GALNT13: variants seen among roughly 807,000 people sequenced by gnomAD.
The protein encoded by GALNT13 is polypeptide N-acetylgalactosaminyltransferase 13.
A neutral mutation model predicts 64.2 loss-of-function variants in GALNT13; 28 were observed. The ratio of observed to expected loss-of-function variants is 0.44; its 90% CI spans 0.32 to 0.60. GALNT13 has a LOEUF of 0.60. GALNT13 is among the 20% of genes least tolerant of loss of function. The probability of loss-of-function intolerance (pLI) is 0.05; values close to 1 mark genes in which losing one functional copy is unlikely to be tolerated. For missense variants in GALNT13, 577 were observed against 669.8 expected, an observed-to-expected ratio of 0.86 and a Z score of 1.53; for synonymous variants, 214 against 224.6, an observed-to-expected ratio of 0.95 and a Z score of 0.42.
the GALNT13 span, among the ~76,000 whole-genome samples, chr2:153,084,082 T>A: frequency 2.0e-5 from 3 of 152,334 alleles, no homozygotes; most frequent in East Asian, 5.8e-4. Context: ...CTCTATTCTG[T>A]TCCATTGGTC....
At chr2:153,532,896 TA>T in the GALNT13 span, among the ~76,000 whole-genome samples, 1 of 152,150 alleles carries the variant, frequency 6.6e-6, no homozygotes, top group Non-Finnish European at 1.5e-5. Flanking sequence ...TTGAAACAAC[TA>T]AAAGAATAAA....
chr2:153,153,663 C>CTTTTTT, the GALNT13 span, among the ~76,000 whole-genome samples: 1 of 129,784 alleles, frequency 7.7e-6, no homozygotes, highest in African/African-American at 2.9e-5. Flanking sequence ...TTCCCCATTG[C>CTTTTTT]TTTTTTTTTT....
At chr2:153,959,114 TA>T (rs1335819639) in intron 3 of GALNT13, among the ~76,000 whole-genome samples, 7 of 152,160 alleles carry the variant, frequency 4.6e-5, no homozygotes, top group Non-Finnish European at 2.9e-5. Flanking sequence ...AATATTCCCC[TA>T]GGGGGAGGGG....
At chr2:154,148,495 C>T (rs1377258319) in intron 4 of GALNT13, among the ~76,000 whole-genome samples, 1 of 152,070 alleles carries the variant, frequency 6.6e-6, no homozygotes, top group Non-Finnish European at 1.5e-5. Flanking sequence ...CCTGAGGAAT[C>T]ACCACACTGA....
chr2:154,083,694 C>A (rs1053403431), intron 3 of GALNT13, among the ~76,000 whole-genome samples: 6 of 151,766 alleles, frequency 4.0e-5, no homozygotes, highest in African/African-American at 9.7e-5. Context: ...TTATGACTTG[C>A]ACCACGGATA....
intron 3 of GALNT13, among the ~76,000 whole-genome samples, chr2:153,962,972 T>C (rs2105098906): frequency 6.6e-6 from 1 of 152,316 alleles, no homozygotes; most frequent in South Asian, 2.1e-4. Flanking sequence ...TTCTGTGGTA[T>C]GGTTTCTTTG....
At chr2:154,415,347 C>A (rs1699965563) in intron 11 of GALNT13, among the ~76,000 whole-genome samples, 3 of 151,704 alleles carry the variant, frequency 2.0e-5, no homozygotes, top group Admixed American at 6.6e-5. Flanking sequence ...CTTTTAAAGG[C>A]AAAAAAATGT....
the GALNT13 span, among the ~76,000 whole-genome samples, chr2:153,549,360 G>A: frequency 6.6e-6 from 1 of 152,148 alleles, no homozygotes; most frequent in Non-Finnish European, 1.5e-5. Flanking sequence ...TTTAAGGAAT[G>A]CAGTTTTAAA....
intron 9 of GALNT13, among the ~76,000 whole-genome samples, chr2:154,357,123 T>C (rs1559110520): frequency 6.6e-6 from 1 of 151,966 alleles, no homozygotes; most frequent in Non-Finnish European, 1.5e-5. Flanking sequence ...CAATATAGTT[T>C]TGGGGACGTA....
At chr2:153,825,777 T>A in the GALNT13 span, among the ~76,000 whole-genome samples, 4 of 152,120 alleles carry the variant, frequency 2.6e-5, no homozygotes, top group East Asian at 7.7e-4. Context: ...AAGAGCTGGC[T>A]TCTTTGCTCC....
chr2:153,467,010 CAA>C, the GALNT13 span, among the ~76,000 whole-genome samples: 1 of 151,846 alleles, frequency 6.6e-6, no homozygotes, highest in Non-Finnish European at 1.5e-5. Flanking sequence ...AGGTAGTCCA[CAA>C]AAAAGTCTTT....
chr2:154,201,857 C>T (rs1281625942), intron 4 of GALNT13, among the ~76,000 whole-genome samples: 1 of 152,060 alleles, frequency 6.6e-6, no homozygotes, highest in Non-Finnish European at 1.5e-5. Flanking sequence ...CACCTAAGTC[C>T]TTGTTCCATT....
At chr2:154,102,687 ACT>A (rs1219331134) in intron 3 of GALNT13, among the ~76,000 whole-genome samples, 46 of 152,266 alleles carry the variant, frequency 3.0e-4, no homozygotes, top group Non-Finnish European at 5.4e-4. Flanking sequence ...ATTAAAAAAG[ACT>A]AAATATTGAT....
chr2:153,088,807 T>A, the GALNT13 span, among the ~76,000 whole-genome samples: 1 of 152,150 alleles, frequency 6.6e-6, no homozygotes, highest in Non-Finnish European at 1.5e-5. Context: ...GCATTTGGTT[T>A]CCATTTGTGT....
chr2:153,932,306 G>A (rs1421116145), intron 2 of GALNT13, among the ~76,000 whole-genome samples: 1 of 151,298 alleles, frequency 6.6e-6, no homozygotes, highest in East Asian at 2.0e-4. Context: ...TCTGTTTCTG[G>A]TTATTTCTTT....
the GALNT13 span, among the ~76,000 whole-genome samples, chr2:153,665,232 G>T: frequency 6.6e-6 from 1 of 152,126 alleles, no homozygotes; most frequent in Admixed American, 6.6e-5. Context: ...TGTGGTAAAA[G>T]TCAAGAAACA....
intron 11 of GALNT13, chr2:154,437,580 G>A: frequency 1.6e-6 from 2 of 1,279,518 alleles, no homozygotes; most frequent in Non-Finnish European, 2.0e-6. Context: ...CATGAGGCTG[G>A]GCATGGCGGC....
rs1374198727 is a variant in GALNT13 at position 154,149,083 on chromosome 2, C to A, written c.311+8578C>A. 3.3e-5 allele frequency among the ~76,000 whole-genome samples: 5 copies of A among 152,118 alleles called. No homozygotes were observed. The East Asian group carries it at 9.6e-4, about 29-fold the overall frequency. On this transcript the variant is annotated intron_variant, in intron 4 of 12. Coordinates refer to ENST00000392825, the MANE Select transcript of GALNT13 (RefSeq NM_052917.4). Reference sequence around the variant, plus strand: ...TAGGTCTAAAGTTTAAGTCTTTAATCCATCTTGCATTAATTTTTGTATAAG... The same window carrying A: ...TAGGTCTAAAGTTTAAGTCTTTAATACATCTTGCATTAATTTTTGTATAAG...
the GALNT13 span, among the ~76,000 whole-genome samples, chr2:153,369,344 G>A: frequency 6.6e-6 from 1 of 151,534 alleles, no homozygotes; most frequent in African/African-American, 2.4e-5. Context: ...AAAAATAAGA[G>A]GAAAAAAATC....
Sources: allele counts gnomAD v4.1 joint callset (sites outside exome capture counted in the v4.1 genomes callset), GRCh38; gene constraint gnomAD v4.1.1; transcripts MANE v1.5; gene names NCBI Gene and HGNC (gene_info 2026-07-23, HGNC 2026-07-21).